Variants in FAF1 observed in about 807,000 individuals in gnomAD.
FAF1 encodes Fas associated factor 1.
Under a neutral mutation model 92.5 loss-of-function variants are expected in FAF1, and 25 were observed. That is an observed-to-expected ratio of 0.27 (90% CI 0.20 to 0.38). The LOEUF is 0.38. Among genes scored for constraint, FAF1 ranks in the 10% least tolerant of loss-of-function variants. FAF1 has a pLI of 1.00. For missense variants in FAF1, 636 were observed against 793.3 expected (o/e 0.80, Z 2.38); for synonymous variants, 234 against 273.2 (o/e 0.86, Z 1.42).
At chr1:50,487,920 G>T (rs1295597160) in intron 17 of FAF1, among the ~76,000 whole-genome samples, 2 of 152,110 alleles carry the variant, frequency 1.3e-5, no homozygotes, top group African/African-American at 4.8e-5. Context: ...TAATCTTTCT[G>T]GGTCTCAGTT....
intron 1 of FAF1, among the ~76,000 whole-genome samples, chr1:50,908,389 T>C (rs931534513): frequency 3.3e-5 from 5 of 152,210 alleles, no homozygotes; most frequent in African/African-American, 4.8e-5. Flanking sequence ...CTATTAGATC[T>C]GCTTGGTGCA....
intron 8 of FAF1, among the ~76,000 whole-genome samples, chr1:50,640,782 C>T (rs566447675): frequency 6.8e-6 from 1 of 146,646 alleles, no homozygotes; most frequent in East Asian, 2.0e-4. Context: ...TAATTCATAT[C>T]TAGTCTCTTT....
intron 15 of FAF1, among the ~76,000 whole-genome samples, chr1:50,523,352 T>C (rs936790161): frequency 1.3e-5 from 2 of 152,214 alleles, no homozygotes. Flanking sequence ...CTGTTTTCCA[T>C]AGCAGCTGCC....
intron 6 of FAF1, among the ~76,000 whole-genome samples, chr1:50,717,093 C>T (rs1181290770): frequency 1.3e-5 from 2 of 152,088 alleles, no homozygotes; most frequent in South Asian, 2.1e-4. Flanking sequence ...TAACACTCAC[C>T]GCGAAGGTCC....
At chr1:50,658,228 T>A (rs1374186237) in intron 7 of FAF1, among the ~76,000 whole-genome samples, 1 of 152,148 alleles carries the variant, frequency 6.6e-6, no homozygotes, top group Non-Finnish European at 1.5e-5. Context: ...ATTATTACTT[T>A]GAAATAATTT....
intron 13 of FAF1, among the ~76,000 whole-genome samples, chr1:50,565,649 T>TA (rs1449663883): frequency 1.3e-5 from 2 of 151,724 alleles, no homozygotes; most frequent in African/African-American, 2.4e-5. Context: ...ATTGCCATCA[T>TA]AAAAAAAAGA....
At chr1:50,956,139 A>C (rs1396485673) in intron 1 of FAF1, among the ~76,000 whole-genome samples, 1 of 152,236 alleles carries the variant, frequency 6.6e-6, no homozygotes, top group Non-Finnish European at 1.5e-5. Flanking sequence ...AAATGGCTAA[A>C]ATGGTAAATT....
chr1:50,846,400 C>G (rs1644300145), intron 2 of FAF1: 1 of 364,850 alleles, frequency 2.7e-6, no homozygotes, highest in Non-Finnish European at 5.3e-6. Flanking sequence ...CCCGCCATCC[C>G]TGCCATCCCG....
chr1:50,490,043 G>A (rs1646811860), intron 17 of FAF1, among the ~76,000 whole-genome samples: 1 of 152,168 alleles, frequency 6.6e-6, no homozygotes, highest in South Asian at 2.1e-4. Context: ...GAAAAGTAGA[G>A]AGAAATAAGT....
At position 50,801,696 on chromosome 1, in the gene FAF1, G is replaced by A. The variant is rs1337280924; in HGVS notation, c.115-19C>T. 9 of 1,541,886 alleles carry A rather than the reference G, an allele frequency of 5.8e-6. No individual in the cohort carries two copies. The highest frequency in any genetic ancestry group is 8.1e-6 in the Non-Finnish European group (9 of 1,115,156). On this transcript the variant is annotated intron_variant, in intron 2 of 18. Coordinates refer to ENST00000396153, the MANE Select transcript of FAF1 (RefSeq NM_007051.3). Reference sequence around the variant, plus strand: ...TAGCTGCCTGCAAACAAGAAACAGAGAAGGCCATTTAAAGAAACAGATAAA... The same window carrying A: ...TAGCTGCCTGCAAACAAGAAACAGAAAAGGCCATTTAAAGAAACAGATAAA...
At chr1:50,663,726 AAAT>A (rs1010514295) in intron 7 of FAF1, among the ~76,000 whole-genome samples, 1 of 151,688 alleles carries the variant, frequency 6.6e-6, no homozygotes, top group Non-Finnish European at 1.5e-5. Context: ...TAGAATGTGC[AAAT>A]AATATATAGG....
intron 1 of FAF1, among the ~76,000 whole-genome samples, chr1:50,890,564 C>A (rs1350998851): frequency 1.3e-5 from 2 of 152,112 alleles, no homozygotes; most frequent in African/African-American, 2.4e-5. Flanking sequence ...TTGGTGGTGA[C>A]AAAATCTCTC....
At chr1:50,817,778 A>G (rs897738225) in intron 2 of FAF1, among the ~76,000 whole-genome samples, 2 of 152,122 alleles carry the variant, frequency 1.3e-5, no homozygotes, top group East Asian at 3.9e-4. Context: ...TGGTTGCATA[A>G]CCCTGTGAAT....
At chr1:50,655,128 T>C (rs929945293) in intron 8 of FAF1, among the ~76,000 whole-genome samples, 3 of 151,700 alleles carry the variant, frequency 2.0e-5, no homozygotes, top group African/African-American at 7.3e-5. Flanking sequence ...CGCCAAGTGA[T>C]TCTCTTATCT....
chr1:50,728,201 A>C (rs549314194), intron 6 of FAF1, among the ~76,000 whole-genome samples: 1 of 152,346 alleles, frequency 6.6e-6, no homozygotes, highest in African/African-American at 2.4e-5. Context: ...AGATAGGGGC[A>C]TCAAGAAAAG....
At chr1:50,723,529 G>T (rs1447714136) in intron 6 of FAF1, among the ~76,000 whole-genome samples, 1 of 152,158 alleles carries the variant, frequency 6.6e-6, no homozygotes, top group East Asian at 1.9e-4. Flanking sequence ...GGATAACAGG[G>T]AGAGAGGAGA....
intron 2 of FAF1, among the ~76,000 whole-genome samples, chr1:50,807,121 A>G (rs745826584): frequency 1.4e-4 from 22 of 152,346 alleles, no homozygotes; most frequent in Admixed American, 7.2e-4. Context: ...GAATGTTGAA[A>G]CCCAATAAAA....
chr1:50,626,780 C>A (rs777214861), intron 8 of FAF1, among the ~76,000 whole-genome samples: 1 of 151,846 alleles, frequency 6.6e-6, no homozygotes, highest in Non-Finnish European at 1.5e-5. Context: ...ATATAGAAGC[C>A]CAATTTGGAA....
At chr1:50,616,695 T>TC (rs1438509300) in intron 8 of FAF1, among the ~76,000 whole-genome samples, 9 of 151,886 alleles carry the variant, frequency 5.9e-5, no homozygotes, top group African/African-American at 1.9e-4. Flanking sequence ...TTTTTTTTTT[T>TC]TTTGAGACAG....
Sources: allele counts gnomAD v4.1 joint callset (sites outside exome capture counted in the v4.1 genomes callset), GRCh38; gene constraint gnomAD v4.1.1; transcripts MANE v1.5; gene names NCBI Gene and HGNC (gene_info 2026-07-23, HGNC 2026-07-21).